ARHGEF2: variants seen among roughly 807,000 people sequenced by gnomAD.
ARHGEF2 encodes Rho/Rac guanine nucleotide exchange factor 2.
A neutral mutation model predicts 121.0 loss-of-function variants in ARHGEF2; 22 were observed. The ratio of observed to expected loss-of-function variants is 0.18; its 90% CI spans 0.13 to 0.26. The LOEUF (loss-of-function observed/expected upper bound fraction) is 0.26. ARHGEF2 is among the 10% of genes least tolerant of loss of function. ARHGEF2 has a pLI of 1.00. For missense variants in ARHGEF2, 907 were observed against 1,336.0 expected, an observed-to-expected ratio of 0.68 and a Z score of 5.01; for synonymous variants, 487 against 530.0, an observed-to-expected ratio of 0.92 and a Z score of 1.11.
At chr1:155,978,881 G>A (rs1036565337), upstream of ARHGEF2, 2 of 986,360 alleles carry the variant, frequency 2.0e-6, no homozygotes, top group Non-Finnish European at 2.4e-6. This position sits in a 1 kb window ranked among gnomAD's most constrained non-coding sequence, Gnocchi z 4.1. Flanking sequence ...TTCTCCCCTC[G>A]CCCTCCCTTT....
chr1:155,950,131 G>T lies in ARHGEF2; in HGVS notation c.2887+168C>A. The stretch of plus-strand genomic sequence containing the variant: ...CAGTTGGAGGAGAGAGGCCCCTCCT[G>T]CTTCCTAGACTTCCACCACCCATTC... On this transcript the variant is annotated intron_variant, in intron 21 of 21. Coordinates refer to ENST00000361247, the MANE Select transcript of ARHGEF2 (RefSeq NM_001162383.2). This position sits in a 1 kb window ranked among gnomAD's most constrained non-coding sequence, Gnocchi z 5.2. The T allele has an allele frequency of 2.5e-6, 2 of 791,642 alleles. No individual in the cohort carries two copies. Among genetic ancestry groups the T allele is most frequent in the Non-Finnish European group, 2.0e-6 (1 of 500,416 alleles). The allele number at this position is 791,642 out of a possible 1,614,324, so 49.0% of individuals were successfully genotyped here.
In ARHGEF2 at chr1:155,952,850, G is replaced by C. The variant is rs751015859; in HGVS notation, c.1784-22C>G. The C allele has an allele frequency of 2.5e-6, 4 of 1,613,302 alleles. No individual in the cohort carries two copies. In the South Asian group the frequency reaches 4.4e-5, roughly 18 times the overall value. Reference sequence around the variant, plus strand: ...TCCACTGCAGATAAGGAACAAGTGAGGACATGAGAGGACGTAGGGGTATGC... The same window carrying C: ...TCCACTGCAGATAAGGAACAAGTGACGACATGAGAGGACGTAGGGGTATGC... On this transcript the variant is annotated intron_variant, in intron 14 of 21. Transcript: ENST00000361247.
chr1:155,962,913 G>A lies in ARHGEF2; in HGVS notation c.975+20C>T. 1 of 1,613,734 alleles carries A rather than the reference G, an allele frequency of 6.2e-7. No individual in the cohort carries two copies. The highest frequency in any genetic ancestry group is 2.2e-5 in the East Asian group (1 of 44,880). ...CACCTCCTTCCATGAATGTCACCCA[G>A]GGGTCCTGCCTTTTCCCACCTGGCT... On this transcript the variant is annotated intron_variant, in intron 8 of 21. Transcript: ENST00000361247. The surrounding 1 kb of genome is among the most constrained non-coding windows in gnomAD (Gnocchi z 5.8).
chr1:155,962,380 A>T lies in ARHGEF2; in HGVS notation c.1102-158T>A. On this transcript the variant is annotated intron_variant, in intron 9 of 21. Coordinates refer to ENST00000361247, the MANE Select transcript of ARHGEF2 (RefSeq NM_001162383.2). The surrounding 1 kb of genome is among the most constrained non-coding windows in gnomAD (Gnocchi z 5.8). ...ATAACAACGCCACAGGTTTGTTGTG[A>T]GGACCAACTGAAGGAGCAAAAAGTA... 2.0e-6 allele frequency: 2 copies of T among 1,011,440 alleles called. No homozygotes were observed. Among genetic ancestry groups the T allele is most frequent in the Non-Finnish European group, 2.9e-6 (2 of 689,324 alleles). 62.7% of individuals were successfully genotyped at this position (1,011,440 alleles called of 1,614,324 possible).
intron 16 of ARHGEF2, 36 bp downstream of exon 16, chr1:155,952,080 C>T: frequency 1.9e-6 from 3 of 1,614,108 alleles, no homozygotes; most frequent in Non-Finnish European, 2.5e-6. Flanking sequence ...TTGGCCCCTC[C>T]CACCTACTAC....
intron 11 of ARHGEF2, among the ~76,000 whole-genome samples, chr1:155,958,994 A>G (rs1677300354): frequency 6.6e-6 from 1 of 152,116 alleles, no homozygotes; most frequent in South Asian, 2.1e-4. Context: ...AACCACAGGG[A>G]TCACTCAGTG....
At chr1:155,979,432 TC>T, upstream of ARHGEF2, 1 of 695,032 alleles carries the variant, frequency 1.4e-6, no homozygotes, top group Non-Finnish European at 1.8e-6. Context: ...TGGACCCTTT[TC>T]CCCAGCCTGA....
chr1:155,958,441 T>G (rs2364404), intron 11 of ARHGEF2, 45 bp from the exon 12 acceptor site: 3 of 1,511,412 alleles, frequency 2.0e-6, no homozygotes, highest in East Asian at 2.3e-5. Context: ...CTAGACGGTC[T>G]GAGCAGCTGC....
chr1:155,955,033 C>A, intron 13 of ARHGEF2, 64 bp from the exon 14 acceptor site: 1 of 1,343,792 alleles, frequency 7.4e-7, no homozygotes, highest in South Asian at 1.3e-5. Context: ...CAGAATCAGC[C>A]TTCCCTCCTT....
upstream of ARHGEF2, chr1:155,978,896 C>T: frequency 1.0e-5 from 10 of 986,930 alleles, no homozygotes; most frequent in Non-Finnish European, 1.1e-5. This position sits in a 1 kb window ranked among gnomAD's most constrained non-coding sequence, Gnocchi z 4.1. Context: ...CCCTTTTTCC[C>T]TCCCCTACTG....
intron 7 of ARHGEF2, among the ~76,000 whole-genome samples, chr1:155,963,812 T>C (rs1297638541): frequency 6.6e-6 from 1 of 151,926 alleles, no homozygotes; most frequent in East Asian, 1.9e-4. Flanking sequence ...GCTGGGACTA[T>C]AGGCACATGC....
chr1:155,977,598 C>A (rs1175546205), intron 1 of ARHGEF2, among the ~76,000 whole-genome samples: 3 of 152,160 alleles, frequency 2.0e-5, no homozygotes, highest in South Asian at 2.1e-4. Flanking sequence ...GAAGGAAGAG[C>A]TAGGAGGCTG....
At position 155,963,078 on chromosome 1, in the gene ARHGEF2, T is replaced by C; in HGVS notation, c.830A>G (p.Gln277Arg). ...EELHLEPGVV[Q>R]GLFPCVDELS... ...CTCGTCCACGCAGGGGAACAGGCCC[T>C]GGACCACTCCTGGCTCCAAGTGTAG... Residue 277 changes from glutamine (Q) to arginine (R), a missense_variant, in exon 8 of 22, where the codon CAG becomes CGG. Gln to Arg is a conservative substitution (Grantham distance 43). Around this residue, in one of 2 missense-constraint regions of ARHGEF2, gnomAD observed 475 missense variants for 776.5 expected, o/e 0.61. Transcript: ENST00000361247. The C allele has an allele frequency of 1.2e-6, 2 of 1,614,182 alleles. No individual in the cohort carries two copies. The highest frequency in any genetic ancestry group is 1.7e-6 in the Non-Finnish European group (2 of 1,180,038).
intron 3 of ARHGEF2, 71 bp from the exon 4 acceptor site, chr1:155,966,550 G>A: frequency 1.3e-6 from 2 of 1,561,366 alleles, no homozygotes; most frequent in East Asian, 2.2e-5. Flanking sequence ...AGAGGCATGG[G>A]ACAGGAGCTA....
At chr1:155,978,990 T>C (rs1681858984), upstream of ARHGEF2, 2 of 985,666 alleles carry the variant, frequency 2.0e-6, no homozygotes, top group Non-Finnish European at 2.4e-6. This position sits in a 1 kb window ranked among gnomAD's most constrained non-coding sequence, Gnocchi z 4.1. Flanking sequence ...AGTTCCTTCC[T>C]GGCCTTCGGG....
At chr1:155,953,698 C>T (rs949183369) in intron 14 of ARHGEF2, among the ~76,000 whole-genome samples, 21 of 145,720 alleles carry the variant, frequency 1.4e-4, no homozygotes, top group African/African-American at 4.3e-4. Flanking sequence ...GTCGAGATCA[C>T]GCCACGCCAC....
At chr1:155,966,291 G>T (rs1679357254) in intron 4 of ARHGEF2, 125 bp downstream of exon 4, 1 of 927,294 alleles carries the variant, frequency 1.1e-6, no homozygotes, top group Non-Finnish European at 1.7e-6. Context: ...CCCACTATCT[G>T]CTTCCAATCA....
Position 155,947,464 on chromosome 1 carries a change from A to G in ARHGEF2, c.*478T>C. The G allele has an allele frequency of 2.2e-6, 1 of 456,070 alleles. No individual in the cohort carries two copies. The highest frequency in any genetic ancestry group is 1.6e-5 in the South Asian group (1 of 64,452). The allele number at this position is 456,070 out of a possible 1,614,324, so 28.3% of individuals were successfully genotyped here. A position where few individuals can be genotyped will look rare whatever the true frequency, so the allele number is the denominator to read the frequency against. On this transcript the variant is annotated 3_prime_UTR_variant, in exon 22 of 22. Coordinates refer to ENST00000361247, the MANE Select transcript of ARHGEF2 (RefSeq NM_001162383.2). ...ATGGCCCTGCCCACAGCCCTCCTTTATTTAAAGGGCAGTAGGGTGCTGTGG... is the reference window on the plus strand; with the variant it reads ...ATGGCCCTGCCCACAGCCCTCCTTTGTTTAAAGGGCAGTAGGGTGCTGTGG...
chr1:155,967,538 G>T (rs1679661327), intron 2 of ARHGEF2, among the ~76,000 whole-genome samples: 1 of 152,102 alleles, frequency 6.6e-6, no homozygotes, highest in South Asian at 2.1e-4. Flanking sequence ...CTGGACTCTG[G>T]CTGGGCCTCA....
Sources: allele counts gnomAD v4.1 joint callset (sites outside exome capture counted in the v4.1 genomes callset), GRCh38; gene constraint gnomAD v4.1.1; regional missense constraint gnomAD v4.1.1; non-coding constraint Gnocchi (gnomAD v3.1); transcripts MANE v1.5; gene names NCBI Gene and HGNC (gene_info 2026-07-23, HGNC 2026-07-21).